ZMYM1: variants seen among roughly 807,000 people sequenced by gnomAD.
ZMYM1 encodes the protein zinc finger MYM-type containing 1, also known as zinc finger MYM-type protein 1.
A neutral mutation model predicts 60.0 loss-of-function variants in ZMYM1; 39 were observed. The observed-to-expected ratio is 0.65, with a 90% CI of 0.50 to 0.85. The LOEUF (loss-of-function observed/expected upper bound fraction) is 0.85. Ranked by LOEUF, ZMYM1 falls within the 40% of genes least tolerant of loss-of-function variation. The probability of loss-of-function intolerance (pLI) is 0.00; values close to 1 mark genes in which losing one functional copy is unlikely to be tolerated. For synonymous variants in ZMYM1, 413 were observed against 454.0 expected (o/e 0.91, Z 1.15); for missense variants, 1,171 against 1,309.5 (o/e 0.89, Z 1.63).
intron 6 of ZMYM1, among the ~76,000 whole-genome samples, chr1:35,105,501 T>C (rs1289024951): frequency 6.6e-6 from 1 of 152,082 alleles, no homozygotes; most frequent in Non-Finnish European, 1.5e-5. Flanking sequence ...TGGCACAATC[T>C]TGGCTCACTG....
At chr1:35,089,637 T>C (rs376793746) in intron 1 of ZMYM1, among the ~76,000 whole-genome samples, 3 of 145,210 alleles carry the variant, frequency 2.1e-5, no homozygotes, top group Non-Finnish European at 4.6e-5. Context: ...GTTATTTTTT[T>C]CTTTTTTTGA....
chr1:35,111,996 G>T, intron 8 of ZMYM1, 84 bp downstream of exon 8: 1 of 1,543,936 alleles, frequency 6.5e-7, no homozygotes. Context: ...TTTTCTTTTT[G>T]TTTCTTATAT....
intron 4 of ZMYM1, among the ~76,000 whole-genome samples, chr1:35,099,977 A>G (rs1370731754): frequency 1.3e-5 from 2 of 151,656 alleles, no homozygotes; most frequent in Admixed American, 1.3e-4. Context: ...TGCAACCTCC[A>G]CCTCCTGGGT....
chr1:35,078,409 T>C (rs1409867309), upstream of ZMYM1, among the ~76,000 whole-genome samples: 1 of 152,130 alleles, frequency 6.6e-6, no homozygotes, highest in African/African-American at 2.4e-5. Context: ...ATATATATTT[T>C]AGAATCCTCT....
intron 1 of ZMYM1, among the ~76,000 whole-genome samples, chr1:35,083,203 G>C (rs79320964): frequency 6.6e-6 from 1 of 151,302 alleles, no homozygotes; most frequent in African/African-American, 2.4e-5. Flanking sequence ...CCAGACTGGT[G>C]TGCAGTGGCT....
At chr1:35,092,900 C>T (rs1026534615) in intron 1 of ZMYM1, among the ~76,000 whole-genome samples, 16 of 152,306 alleles carry the variant, frequency 1.1e-4, no homozygotes, top group African/African-American at 3.6e-4. Flanking sequence ...GTTGGGATTA[C>T]AGGCGTGAGC....
At chr1:35,096,462 C>T (rs4626844) in intron 3 of ZMYM1, among the ~76,000 whole-genome samples, 134,233 of 151,822 alleles carry the variant, frequency 0.88, 59,565 homozygotes, top group Non-Finnish European at 0.93. Flanking sequence ...CCTGTCTCTA[C>T]AGAAAATTTA....
At chr1:35,094,122 C>T in intron 2 of ZMYM1, 39 bp downstream of exon 2, 4 of 1,537,968 alleles carry the variant, frequency 2.6e-6, no homozygotes, top group African/African-American at 1.4e-5. Context: ...TCTAGAGCAG[C>T]ATTTAACTAT....
chr1:35,113,268 T>C lies in ZMYM1; in HGVS notation c.1438T>C (p.Cys480Arg). 1 of 1,612,986 alleles carries C rather than the reference T, an allele frequency of 6.2e-7. No homozygotes were observed. Among genetic ancestry groups the C allele is most frequent in the Non-Finnish European group, 8.5e-7 (1 of 1,179,052 alleles). ...AAAAGATGTGGCATTCTGTTATTCA[T>C]GCCAGTTGTTCTGCCAAAAATATTT... ...SKKDVAFCYS[C>R]QLFCQKYFSC... The change falls in exon 10 of 10, where the codon TGC becomes CGC. Residue 480 changes from cysteine to arginine, a missense_variant. Transcript: ENST00000359858.
chr1:35,082,196 C>T (rs887236403), intron 1 of ZMYM1, among the ~76,000 whole-genome samples: 4 of 149,508 alleles, frequency 2.7e-5, no homozygotes, highest in Non-Finnish European at 4.4e-5. Context: ...TTCTAAAATG[C>T]GGATCTTGTA....
intron 1 of ZMYM1, among the ~76,000 whole-genome samples, chr1:35,080,371 A>G (rs1166106682): frequency 3.5e-5 from 5 of 142,206 alleles, no homozygotes; most frequent in Non-Finnish European, 6.0e-5. Flanking sequence ...GGCTGAGTGC[A>G]GTGACACGAT....
At chr1:35,117,150 C>T (rs1407749390), downstream of ZMYM1, among the ~76,000 whole-genome samples, 3 of 142,162 alleles carry the variant, frequency 2.1e-5, no homozygotes, top group Non-Finnish European at 3.1e-5. Context: ...TTTTTAAAGA[C>T]TATTTCTCTG....
chr1:35,114,186 G>C lies in ZMYM1; in HGVS notation c.2356G>C (p.Ala786Pro). 1 of 1,611,292 alleles carries C rather than the reference G, an allele frequency of 6.2e-7. No individual in the cohort carries two copies. The highest frequency in any genetic ancestry group is 8.5e-7 in the Non-Finnish European group (1 of 1,179,286). The change falls in exon 10 of 10, where the codon GCA becomes CCA. Residue 786 changes from alanine to proline, a missense_variant. By Grantham distance (27) the Ala-to-Pro change is conservative (BLOSUM62 -1). Transcript: ENST00000359858. ...TATTTGTATGTCTGGGGAAATGTTG[G>C]CAAATTTTCGAAACATTTATAGGCT... ...NTICMSGEML[A>P]NFRNIYRLSQ...
At chr1:35,064,780 G>A (rs1359909100) in intron 1 of ZMYM1, among the ~76,000 whole-genome samples, 3 of 146,174 alleles carry the variant, frequency 2.1e-5, no homozygotes, top group Non-Finnish European at 3.0e-5. Context: ...TCCACCTCCC[G>A]GGTTCACGCC....
Position 35,113,849 on chromosome 1 carries a change from C to T in ZMYM1, c.2019C>T (p.Ile673=), listed in dbSNP as rs1644178315. The change falls in exon 10 of 10, where the codon ATC becomes ATT. Residue 673 remains isoleucine, a synonymous_variant. Coordinates refer to ENST00000359858, the MANE Select transcript of ZMYM1 (RefSeq NM_024772.5). ...VRYPQKSSKA[I]LIKERFLGFV... is the part of the protein sequence containing the mutation. ...ACCCACAAAAATCATCAAAGGCTAT[C>T]TTAATTAAGGAAAGATTCTTGGGTT... 2.5e-6 allele frequency: 4 copies of T among 1,613,670 alleles called. No homozygotes were observed. Among genetic ancestry groups the T allele is most frequent in the Non-Finnish European group, 2.5e-6 (3 of 1,179,834 alleles).
chr1:35,090,094 G>A (rs1246182496), intron 1 of ZMYM1, among the ~76,000 whole-genome samples: 2 of 152,016 alleles, frequency 1.3e-5, no homozygotes, highest in Non-Finnish European at 2.9e-5. Flanking sequence ...TTTTAGTAGA[G>A]ATGGGGTTTC....
chr1:35,114,947 C>T lies in ZMYM1; in HGVS notation c.3117C>T (p.Val1039=), dbSNP rs748503548. The stretch of plus-strand genomic sequence containing the variant: ...GACATTATGCAAAGCTTAACTTTGT[C>T]ATAGATGATAGTTGCATAAACTTCG... The part of the protein sequence containing the change: ...FYRHYAKLNF[V]IDDSCINFVS... The change falls in exon 10 of 10, where the codon GTC becomes GTT. Residue 1039 remains valine, a synonymous_variant. Transcript: ENST00000359858. 1.5e-5 allele frequency: 24 copies of T among 1,613,916 alleles called. No homozygotes were observed. Among genetic ancestry groups the T allele is most frequent in the Non-Finnish European group, 1.9e-5 (23 of 1,179,838 alleles).
At chr1:35,061,273 TAACTC>T (rs1641869443) in intron 1 of ZMYM1, among the ~76,000 whole-genome samples, 1 of 152,198 alleles carries the variant, frequency 6.6e-6, no homozygotes, top group South Asian at 2.1e-4. Flanking sequence ...ATCCTCACCA[TAACTC>T]AACTTCAGCA....
chr1:35,064,686 CT>C (rs34080777), intron 1 of ZMYM1, among the ~76,000 whole-genome samples: 13,605 of 112,972 alleles, frequency 0.12, 1,156 homozygotes, highest in African/African-American at 0.37. Context: ...CAATATATTT[CT>C]TTTTTTTTTT....
Sources: allele counts gnomAD v4.1 joint callset (sites outside exome capture counted in the v4.1 genomes callset), GRCh38; gene constraint gnomAD v4.1.1; transcripts MANE v1.5; gene names NCBI Gene and HGNC (gene_info 2026-07-23, HGNC 2026-07-21).